The following RAB43 variants were observed in gnomAD, a reference collection of about 807,000 sequenced individuals.
The protein encoded by RAB43 is ras-related protein Rab-43.
In RAB43, 6 loss-of-function variants were observed where a neutral mutation model predicts 18.8. The ratio of observed to expected loss-of-function variants is 0.32; its 90% CI spans 0.17 to 0.63. The LOEUF (loss-of-function observed/expected upper bound fraction) is 0.63. RAB43 is among the 30% of genes least tolerant of loss of function. The probability of loss-of-function intolerance (pLI) is 0.79; values close to 1 mark genes in which losing one functional copy is unlikely to be tolerated. For synonymous variants in RAB43, 103 were observed against 124.1 expected (o/e 0.83, Z 1.13); for missense variants, 195 against 289.1 (o/e 0.67, Z 2.36).
chr3:129,120,913 G>C (rs1455177069), intron 1 of RAB43, among the ~76,000 whole-genome samples: 1 of 152,198 alleles, frequency 6.6e-6, no homozygotes, highest in Non-Finnish European at 1.5e-5. Flanking sequence ...GGATGGAGGT[G>C]GGGGGTCTGA....
chr3:129,105,107 C>T (rs1934677925), intron 1 of RAB43, among the ~76,000 whole-genome samples: 1 of 152,150 alleles, frequency 6.6e-6, no homozygotes, highest in African/African-American at 2.4e-5. Context: ...TTGTGGGACC[C>T]GCTGGCTATC....
At chr3:129,108,212 G>A (rs1400017412) in intron 1 of RAB43, among the ~76,000 whole-genome samples, 7 of 152,162 alleles carry the variant, frequency 4.6e-5, no homozygotes, top group Non-Finnish European at 1.5e-5. Context: ...TGAGGAGTGT[G>A]GATTAAAGCC....
At position 129,095,514 on chromosome 3, in the gene RAB43, C is replaced by T. The variant is rs899295579; in HGVS notation, c.205-345G>A. Reference sequence around the variant, plus strand: ...GAACCACCAGTGCTCAAGCGGCCGGCGGCTGGAAAGCTGGCTCCAGGTGCA... The same window carrying T: ...GAACCACCAGTGCTCAAGCGGCCGGTGGCTGGAAAGCTGGCTCCAGGTGCA... On this transcript the variant is annotated intron_variant, in intron 1 of 2. Coordinates refer to ENST00000315150, the MANE Select transcript of RAB43 (RefSeq NM_198490.3). The surrounding 1 kb of genome is among the most constrained non-coding windows in gnomAD (Gnocchi z 4.2). Among the ~76,000 whole-genome samples the T allele has an allele frequency of 3.9e-5, 6 of 152,180 alleles. No individual in the cohort carries two copies. The highest frequency in any genetic ancestry group is 1.2e-4 in the African/African-American group (5 of 41,430).
intron 1 of RAB43, among the ~76,000 whole-genome samples, chr3:129,112,242 T>C (rs1935219317): frequency 6.7e-6 from 1 of 148,848 alleles, no homozygotes; most frequent in South Asian, 2.1e-4. Context: ...GCAACCAGAG[T>C]GAGACCTTGA....
rs1479009541 is a variant in RAB43 at position 129,121,716 on chromosome 3, G to A, written c.-227C>T. On this transcript the variant is annotated 5_prime_UTR_variant, in exon 1 of 3. Transcript: ENST00000315150. ...CGGCTCGGCCCCGCCCGGACCCGGTGCCCCGCGGGTTCGGCTCCCCCCCGG... is the reference window on the plus strand; with the variant it reads ...CGGCTCGGCCCCGCCCGGACCCGGTACCCCGCGGGTTCGGCTCCCCCCCGG... The A allele has an allele frequency of 3.3e-6, 1 of 300,342 alleles. No homozygotes were observed. Among genetic ancestry groups the A allele is most frequent in the Non-Finnish European group, 6.0e-6 (1 of 166,448 alleles). 18.6% of individuals were successfully genotyped at this position (300,342 alleles called of 1,614,324 possible).
At chr3:129,094,126 G>A (rs1455265311) in intron 2 of RAB43, among the ~76,000 whole-genome samples, 1 of 152,246 alleles carries the variant, frequency 6.6e-6, no homozygotes, top group Admixed American at 6.5e-5. Flanking sequence ...GAATTTGTTA[G>A]AAACGCACAT....
chr3:129,101,492 T>C (rs1329815212), intron 1 of RAB43, among the ~76,000 whole-genome samples: 2 of 152,204 alleles, frequency 1.3e-5, no homozygotes, highest in South Asian at 4.1e-4. Flanking sequence ...ATGAGCACGC[T>C]ACAGAATGTG....
chr3:129,113,459 C>T (rs1224237989), intron 1 of RAB43, among the ~76,000 whole-genome samples: 7 of 152,176 alleles, frequency 4.6e-5, no homozygotes, highest in African/African-American at 1.7e-4. Flanking sequence ...CCACTACACT[C>T]GGCCCTAGGC....
intron 2 of RAB43, 103 bp downstream of exon 2, chr3:129,094,883 G>T: frequency 6.9e-7 from 1 of 1,442,046 alleles, no homozygotes; most frequent in Non-Finnish European, 9.3e-7. Context: ...AACTCTGGCT[G>T]GGACTCCCTC....
chr3:129,091,362 G>T lies in RAB43; in HGVS notation c.389-16C>A. The stretch of plus-strand genomic sequence containing the variant: ...GACTTGTTCCCTGCGGAGGAAAGCC[G>T]GGGCAGCATGAGGCCATGGGGGCTG... On this transcript the variant is annotated splice_polypyrimidine_tract_variant and intron_variant, in intron 2 of 2. Coordinates refer to ENST00000315150, the MANE Select transcript of RAB43 (RefSeq NM_198490.3). The T allele has an allele frequency of 6.2e-7, 1 of 1,603,612 alleles. No homozygotes were observed. Among genetic ancestry groups the T allele is most frequent in the East Asian group, 2.2e-5 (1 of 44,460 alleles).
At chr3:129,110,213 A>G (rs1229835628) in intron 1 of RAB43, among the ~76,000 whole-genome samples, 2 of 152,228 alleles carry the variant, frequency 1.3e-5, no homozygotes, top group African/African-American at 2.4e-5. Flanking sequence ...TTAAAACTTA[A>G]TAAAATCAAT....
intron 1 of RAB43, among the ~76,000 whole-genome samples, chr3:129,115,889 T>G (rs1169795358): frequency 6.6e-6 from 1 of 152,230 alleles, no homozygotes; most frequent in African/African-American, 2.4e-5. Context: ...CACATCATTC[T>G]GAGTAGCATG....
At position 129,121,367 on chromosome 3, in the gene RAB43, G is replaced by A; in HGVS notation, c.123C>T (p.Gly41=). ...KTCVVQRFKT[G]AFSERQGSTI... is the part of the protein sequence containing the mutation. ...TGCTTCCCTGGCGCTCCGAGAAGGC[G>A]CCGGTCTTGAAGCGCTGCACCACGC... The change falls in exon 1 of 3, where the codon GGC becomes GGT. Residue 41 remains glycine (G), a synonymous_variant. Coordinates refer to ENST00000315150, the MANE Select transcript of RAB43 (RefSeq NM_198490.3). The A allele has an allele frequency of 1.9e-6, 3 of 1,611,412 alleles. No individual in the cohort carries two copies. The highest frequency in any genetic ancestry group is 2.5e-6 in the Non-Finnish European group (3 of 1,178,896).
chr3:129,095,312 C>T lies in RAB43; in HGVS notation c.205-143G>A, dbSNP rs1482826500. On this transcript the variant is annotated intron_variant, in intron 1 of 2. Transcript: ENST00000315150. The surrounding 1 kb of genome is among the most constrained non-coding windows in gnomAD (Gnocchi z 4.2). ...GAGTCCTTAGAAAGCAACTCAATGG[C>T]TCAACCTTGTTGGAAAAATGGGGAA... 4.1e-6 allele frequency: 5 copies of T among 1,222,310 alleles called. No individual in the cohort carries two copies. Among genetic ancestry groups the T allele is most frequent in the Non-Finnish European group, 5.6e-6 (5 of 899,964 alleles). The allele number at this position is 1,222,310 out of a possible 1,614,324, so 75.7% of individuals were successfully genotyped here.
intron 1 of RAB43, among the ~76,000 whole-genome samples, chr3:129,116,094 G>A (rs373909366): frequency 7.9e-5 from 12 of 152,142 alleles, no homozygotes; most frequent in Non-Finnish European, 1.2e-4. Context: ...TGTTAATTTC[G>A]TACTGTGCCT....
intron 1 of RAB43, among the ~76,000 whole-genome samples, chr3:129,110,505 G>T (rs1411473362): frequency 6.6e-6 from 1 of 152,122 alleles, no homozygotes; most frequent in Non-Finnish European, 1.5e-5. Flanking sequence ...AAAGTACTAG[G>T]ACAAAAAAAC....
intron 1 of RAB43, among the ~76,000 whole-genome samples, chr3:129,111,307 G>C (rs549556163): frequency 5.4e-4 from 82 of 152,098 alleles, no homozygotes; most frequent in Admixed American, 2.0e-3. Context: ...TTAAGGTCAG[G>C]AGTTTGAGAC....
At chr3:129,097,119 A>G (rs1934107159) in intron 1 of RAB43, among the ~76,000 whole-genome samples, 2 of 152,322 alleles carry the variant, frequency 1.3e-5, no homozygotes, top group South Asian at 4.1e-4. Context: ...TGTCTCAAAA[A>G]AAAAGAAAAG....
chr3:129,102,348 C>T (rs913923971), intron 1 of RAB43, among the ~76,000 whole-genome samples: 1 of 152,076 alleles, frequency 6.6e-6, no homozygotes, highest in African/African-American at 2.4e-5. Flanking sequence ...TAAAATATCA[C>T]AGCCAGGCAT....
Sources: gnomAD v4.1 joint callset for allele counts (sites outside exome capture counted in the v4.1 genomes callset) on GRCh38, gnomAD v4.1.1 for gene constraint, Gnocchi (gnomAD v3.1) non-coding constraint, MANE v1.5 for transcripts, NCBI Gene and HGNC (gene_info 2026-07-23, HGNC 2026-07-21) for gene names.